Variants in LMBRD1 observed in about 807,000 individuals in gnomAD.
LMBRD1 encodes LMBR1 domain containing 1.
Under a neutral mutation model 74.8 loss-of-function variants are expected in LMBRD1, and 64 were observed. The observed-to-expected ratio is 0.86, with a 90% CI of 0.70 to 1.05. The LOEUF (loss-of-function observed/expected upper bound fraction) is 1.05, where lower values mean the gene tolerates loss of function less well. LMBRD1 is among the 50% of genes least tolerant of loss of function. The pLI is 0.00. For missense variants in LMBRD1, 652 were observed against 645.9 expected (o/e 1.01, Z -0.10); for synonymous variants, 204 against 216.3 (o/e 0.94, Z 0.50).
intron 7 of LMBRD1, among the ~76,000 whole-genome samples, chr6:69,723,079 CAAAG>C (rs1457045860): frequency 6.6e-6 from 1 of 151,996 alleles, no homozygotes; most frequent in Non-Finnish European, 1.5e-5. Flanking sequence ...TATGAAAAGA[CAAAG>C]AAGATCATTA....
At chr6:69,794,358 C>T (rs1357681435) in intron 1 of LMBRD1, among the ~76,000 whole-genome samples, 5 of 152,150 alleles carry the variant, frequency 3.3e-5, no homozygotes, top group African/African-American at 1.2e-4. Flanking sequence ...TGAAATTCAA[C>T]CCTTGACTCT....
chr6:69,709,962 A>G (rs1208241909), intron 9 of LMBRD1, among the ~76,000 whole-genome samples: 2 of 152,220 alleles, frequency 1.3e-5, no homozygotes, highest in African/African-American at 4.8e-5. Flanking sequence ...TATAAGAGTG[A>G]AAGTAATCCC....
chr6:69,706,392 A>G lies in LMBRD1; in HGVS notation c.916-4439T>C, dbSNP rs1452681610. ...AATATAAGGTTAATTTTCAAGTGAA[A>G]AGTATGTTAATCTATTGATTTTGTT... On this transcript the variant is annotated intron_variant, in intron 9 of 15. Coordinates refer to ENST00000649934, the MANE Select transcript of LMBRD1 (RefSeq NM_018368.4). Among the ~76,000 whole-genome samples, 3 of 152,178 alleles carry G rather than the reference A, an allele frequency of 2.0e-5. No individual in the cohort carries two copies. In the South Asian group the frequency reaches 6.2e-4, roughly 32 times the overall value.
intron 3 of LMBRD1, among the ~76,000 whole-genome samples, chr6:69,759,845 C>T (rs1765340624): frequency 6.6e-6 from 1 of 152,102 alleles, no homozygotes; most frequent in African/African-American, 2.4e-5. Flanking sequence ...TCAATAAGAA[C>T]ACAACCCAAC....
intron 2 of LMBRD1, 131 bp downstream of exon 2, chr6:69,790,165 C>T: frequency 2.9e-6 from 2 of 694,264 alleles, no homozygotes; most frequent in Non-Finnish European, 2.5e-6. Flanking sequence ...ATGTCACATT[C>T]TCAGCTTCTA....
At chr6:69,690,039 G>A (rs1367111283) in intron 14 of LMBRD1, among the ~76,000 whole-genome samples, 1 of 147,114 alleles carries the variant, frequency 6.8e-6, no homozygotes, top group Non-Finnish European at 1.5e-5. Flanking sequence ...GTACTGCGAG[G>A]GTTTCATTCA....
intron 8 of LMBRD1, among the ~76,000 whole-genome samples, chr6:69,715,018 C>T (rs1382555182): frequency 1.3e-5 from 2 of 152,064 alleles, no homozygotes; most frequent in Non-Finnish European, 2.9e-5. Flanking sequence ...AGAGACCACA[C>T]ATTACATACT....
At chr6:69,772,241 C>T (rs766634958) in intron 3 of LMBRD1, among the ~76,000 whole-genome samples, 3 of 151,998 alleles carry the variant, frequency 2.0e-5, no homozygotes, top group Non-Finnish European at 4.4e-5. Flanking sequence ...TATAAAATCA[C>T]CAAAGGATTA....
chr6:69,676,090 G>A lies in LMBRD1; in HGVS notation c.*68C>T, dbSNP rs1406933720. ...AGCTAGTTAGCAAATCCTAATGTTAGTTTAATACTTTAAAAATGCATAACA... is the reference window on the plus strand; with the variant it reads ...AGCTAGTTAGCAAATCCTAATGTTAATTTAATACTTTAAAAATGCATAACA... On this transcript the variant is annotated 3_prime_UTR_variant, in exon 16 of 16. Coordinates refer to ENST00000649934, the MANE Select transcript of LMBRD1 (RefSeq NM_018368.4). The A allele has an allele frequency of 1.6e-6, 2 of 1,286,192 alleles. No individual in the cohort carries two copies. Among genetic ancestry groups the A allele is most frequent in the South Asian group, 1.2e-5 (1 of 82,530 alleles). 79.7% of individuals were successfully genotyped at this position (1,286,192 alleles called of 1,614,324 possible).
At chr6:69,771,953 T>A (rs1765585816) in intron 3 of LMBRD1, among the ~76,000 whole-genome samples, 1 of 152,134 alleles carries the variant, frequency 6.6e-6, no homozygotes, top group Admixed American at 6.6e-5. Context: ...TTCTGCCATA[T>A]TTGACTCAAA....
intron 1 of LMBRD1, among the ~76,000 whole-genome samples, chr6:69,791,169 T>C (rs925405929): frequency 6.6e-6 from 1 of 152,178 alleles, no homozygotes; most frequent in Non-Finnish European, 1.5e-5. Context: ...CTTTAATGAT[T>C]CTCTAACGTT....
intron 9 of LMBRD1, chr6:69,705,249 A>C (rs1766226770): frequency 1.4e-6 from 1 of 691,038 alleles, no homozygotes. Context: ...AAATGAAGTA[A>C]GACAGAAAAA....
chr6:69,697,601 A>T lies in LMBRD1; in HGVS notation c.1379T>A (p.Leu460His). 6.2e-7 allele frequency: 1 copy of T among 1,607,678 alleles called. No homozygotes were observed. Among genetic ancestry groups the T allele is most frequent in the Non-Finnish European group, 8.5e-7 (1 of 1,174,892 alleles). ...TGCATCACATCTCTTTGGCACAGAA[A>T]GGGTTGAATTGCCTTTATGATTATC... The part of the protein sequence containing the change: ...TSDNHKGNST[L>H]SVPKRCDADA... The change falls in exon 14 of 16, where the codon CTT becomes CAT. Residue 460 changes from leucine (L) to histidine (H), a missense_variant. Leu to His is a moderately conservative substitution (Grantham distance 99, BLOSUM62 -3). Coordinates refer to ENST00000649934, the MANE Select transcript of LMBRD1 (RefSeq NM_018368.4).
intron 14 of LMBRD1, among the ~76,000 whole-genome samples, chr6:69,697,025 G>GAA (rs958991895): frequency 1.5e-5 from 2 of 135,034 alleles, no homozygotes; most frequent in Non-Finnish European, 1.6e-5. Context: ...AACTCACATA[G>GAA]AAAAAAAAAA....
intron 2 of LMBRD1, among the ~76,000 whole-genome samples, chr6:69,780,855 A>C (rs760421168): frequency 5.3e-5 from 8 of 152,206 alleles, no homozygotes; most frequent in Non-Finnish European, 1.2e-4. Flanking sequence ...GATCTCAGGG[A>C]AACAGAAAAT....
At chr6:69,753,286 T>C (rs894316704) in intron 3 of LMBRD1, among the ~76,000 whole-genome samples, 1 of 152,210 alleles carries the variant, frequency 6.6e-6, no homozygotes, top group Non-Finnish European at 1.5e-5. Flanking sequence ...CACATTCATT[T>C]GTTTGTACAT....
At chr6:69,694,081 GAAA>G (rs1239709556) in intron 14 of LMBRD1, among the ~76,000 whole-genome samples, 2 of 151,996 alleles carry the variant, frequency 1.3e-5, no homozygotes, top group Non-Finnish European at 2.9e-5. Context: ...GACTGTAAAA[GAAA>G]AATACTGAAT....
chr6:69,745,341 C>A (rs1260290901), intron 5 of LMBRD1, among the ~76,000 whole-genome samples: 1 of 150,318 alleles, frequency 6.7e-6, no homozygotes, highest in Non-Finnish European at 1.5e-5. Context: ...TCACTGCAAG[C>A]TCCGCTTCCC....
chr6:69,695,181 AC>A (rs112546691), intron 14 of LMBRD1, among the ~76,000 whole-genome samples: 54,582 of 151,648 alleles, frequency 0.36, 10,385 homozygotes, highest in East Asian at 0.54. Context: ...ATCCTTTCTG[AC>A]ATTTTTCTTC....
Sources: gnomAD v4.1 joint callset for allele counts (sites outside exome capture counted in the v4.1 genomes callset) on GRCh38, gnomAD v4.1.1 for gene constraint, MANE v1.5 for transcripts, NCBI Gene and HGNC (gene_info 2026-07-23, HGNC 2026-07-21) for gene names.